The following KCNC2 variants were observed in gnomAD, a reference collection of about 807,000 sequenced individuals.
The protein encoded by KCNC2 is potassium voltage-gated channel subfamily C member 2.
KCNC2 carries 21 observed loss-of-function variants against 44.5 expected under a neutral mutation model. The ratio of observed to expected loss-of-function variants is 0.47; its 90% CI spans 0.33 to 0.68. The LOEUF is 0.68. KCNC2 is among the 30% of genes least tolerant of loss of function. The probability of loss-of-function intolerance (pLI) is 0.01; values close to 1 mark genes in which losing one functional copy is unlikely to be tolerated. For synonymous variants in KCNC2, 391 were observed against 339.1 expected (o/e 1.15, Z -1.68); for missense variants, 589 against 826.2 (o/e 0.71, Z 3.52).
chr12:75,127,992 A>T (rs1269585315), intron 2 of KCNC2, among the ~76,000 whole-genome samples: 1 of 152,166 alleles, frequency 6.6e-6, no homozygotes, highest in Non-Finnish European at 1.5e-5. Context: ...ATATTCACAT[A>T]ATAGATTTCA....
chr12:75,104,106 G>A (rs1301259417), intron 2 of KCNC2, among the ~76,000 whole-genome samples: 3 of 151,962 alleles, frequency 2.0e-5, no homozygotes, highest in African/African-American at 7.3e-5. Flanking sequence ...TGAGGTGAGT[G>A]GCATAGGTAT....
chr12:75,123,844 T>G (rs1235215201), intron 2 of KCNC2, among the ~76,000 whole-genome samples: 9 of 152,328 alleles, frequency 5.9e-5, no homozygotes, highest in Non-Finnish European at 1.0e-4. Context: ...ACATTGGTTA[T>G]AGAGGAAGTT....
At chr12:75,192,626 A>T (rs1331974803) in intron 2 of KCNC2, among the ~76,000 whole-genome samples, 1 of 152,224 alleles carries the variant, frequency 6.6e-6, no homozygotes, top group African/African-American at 2.4e-5. Flanking sequence ...AGAAAATCAC[A>T]CATTATGGCT....
At chr12:75,120,666 A>G (rs991036764) in intron 2 of KCNC2, among the ~76,000 whole-genome samples, 2 of 152,148 alleles carry the variant, frequency 1.3e-5, no homozygotes, top group Non-Finnish European at 2.9e-5. Flanking sequence ...GCTCTTACAA[A>G]AGACTCCTTG....
At chr12:75,142,445 T>A (rs1011938010) in intron 2 of KCNC2, among the ~76,000 whole-genome samples, 2 of 152,208 alleles carry the variant, frequency 1.3e-5, no homozygotes, top group Non-Finnish European at 2.9e-5. Context: ...GAGTAAGTGG[T>A]GTCACTGATA....
chr12:75,153,768 A>G (rs1890570660), intron 2 of KCNC2, among the ~76,000 whole-genome samples: 1 of 151,966 alleles, frequency 6.6e-6, no homozygotes, highest in African/African-American at 2.4e-5. Flanking sequence ...GAGAAAAGAA[A>G]TGTTATTAAG....
At chr12:75,095,178 G>A (rs897531307) in intron 2 of KCNC2, among the ~76,000 whole-genome samples, 1 of 151,782 alleles carries the variant, frequency 6.6e-6, no homozygotes, top group African/African-American at 2.4e-5. Context: ...CTGATTATTA[G>A]TACATAAAAT....
At chr12:75,054,566 G>T (rs547300308) in intron 2 of KCNC2, among the ~76,000 whole-genome samples, 2 of 152,228 alleles carry the variant, frequency 1.3e-5, no homozygotes, top group East Asian at 3.9e-4. Flanking sequence ...TCAGCAAAAG[G>T]CTATTTTATA....
intron 2 of KCNC2, among the ~76,000 whole-genome samples, chr12:75,070,985 TTTTTTA>T (rs141372839): frequency 0.041 from 6,200 of 152,198 alleles, 169 homozygotes; most frequent in Non-Finnish European, 0.064. Context: ...TCTTGCTCAG[TTTTTTA>T]TTTTTATTTT....
At chr12:75,122,257 G>A (rs10160910) in intron 2 of KCNC2, among the ~76,000 whole-genome samples, 30,248 of 152,116 alleles carry the variant, frequency 0.2, 3,477 homozygotes, top group Admixed American at 0.27. Context: ...CATGACAGGA[G>A]GTACCCTCCA....
At chr12:75,056,900 TC>T (rs921800263) in intron 2 of KCNC2, among the ~76,000 whole-genome samples, 1 of 151,992 alleles carries the variant, frequency 6.6e-6, no homozygotes, top group Non-Finnish European at 1.5e-5. Flanking sequence ...TCTCATTTTT[TC>T]TCATTACATA....
intron 2 of KCNC2, among the ~76,000 whole-genome samples, chr12:75,084,725 A>G (rs902858370): frequency 6.6e-6 from 1 of 151,974 alleles, no homozygotes; most frequent in South Asian, 2.1e-4. Context: ...CTCTGGGAGT[A>G]CTGTTGTGAA....
intron 4 of KCNC2, among the ~76,000 whole-genome samples, chr12:75,047,628 C>T (rs1438687015): frequency 2.6e-5 from 4 of 152,088 alleles, no homozygotes; most frequent in Admixed American, 6.6e-5. Context: ...CTGCGGATCA[C>T]GAGCCTTTGC....
At position 75,164,241 on chromosome 12, in the gene KCNC2, C is replaced by G. The variant is rs528121406; in HGVS notation, c.687+43056G>C. 3.3e-5 allele frequency among the ~76,000 whole-genome samples: 5 copies of G among 151,624 alleles called. No individual in the cohort carries two copies. The South Asian group carries it at 1.0e-3, about 31-fold the overall frequency. On this transcript the variant is annotated intron_variant, in intron 2 of 4. Coordinates refer to ENST00000549446, the MANE Select transcript of KCNC2 (RefSeq NM_139137.4). ...AATCTTTTGGACTCAATGCCGTTCTCAAGTGTATGTGTCGGCTTTGCCCAT... is the reference window on the plus strand; with the variant it reads ...AATCTTTTGGACTCAATGCCGTTCTGAAGTGTATGTGTCGGCTTTGCCCAT...
chr12:75,169,234 A>G (rs1436726660), intron 2 of KCNC2, among the ~76,000 whole-genome samples: 1 of 151,572 alleles, frequency 6.6e-6, no homozygotes, highest in Non-Finnish European at 1.5e-5. Flanking sequence ...TTTCTATCTT[A>G]GCACATAGAG....
intron 2 of KCNC2, among the ~76,000 whole-genome samples, chr12:75,056,391 A>T (rs1264417643): frequency 6.6e-6 from 1 of 152,032 alleles, no homozygotes; most frequent in Admixed American, 6.6e-5. Context: ...GAAAATTAAC[A>T]TCATGGGAAA....
At chr12:75,200,792 C>A (rs1319892326) in intron 2 of KCNC2, among the ~76,000 whole-genome samples, 2 of 151,640 alleles carry the variant, frequency 1.3e-5, no homozygotes, top group Non-Finnish European at 3.0e-5. Context: ...CTAGACAGCA[C>A]ACTATTTTCT....
intron 4 of KCNC2, among the ~76,000 whole-genome samples, chr12:75,045,669 G>A (rs1880412836): frequency 6.6e-6 from 1 of 151,824 alleles, no homozygotes; most frequent in African/African-American, 2.4e-5. Flanking sequence ...GAGCTTATTT[G>A]TGGCAATACT....
At chr12:75,054,969 T>C (rs901597072) in intron 2 of KCNC2, among the ~76,000 whole-genome samples, 3 of 152,190 alleles carry the variant, frequency 2.0e-5, no homozygotes, top group Non-Finnish European at 2.9e-5. Flanking sequence ...TGTTTTCTTT[T>C]GTTTCTGGCT....
Sources: allele counts gnomAD v4.1 joint callset (sites outside exome capture counted in the v4.1 genomes callset), GRCh38; gene constraint gnomAD v4.1.1; transcripts MANE v1.5; gene names NCBI Gene and HGNC (gene_info 2026-07-23, HGNC 2026-07-21).